Variants in ROBO2 observed in about 807,000 individuals in gnomAD.
The protein encoded by ROBO2 is roundabout homolog 2.
A neutral mutation model predicts 160.8 loss-of-function variants in ROBO2; 53 were observed. The observed-to-expected ratio is 0.33, with a 90% confidence interval of 0.26 to 0.41. ROBO2 has a LOEUF of 0.41. Ranked by LOEUF, ROBO2 falls within the 10% of genes least tolerant of loss-of-function variation. The pLI, the probability that ROBO2 is intolerant of heterozygous loss-of-function variation, is 1.00. For missense variants in ROBO2, 1,577 were observed against 1,722.4 expected (o/e 0.92, Z 1.49); for synonymous variants, 664 against 611.7 (o/e 1.09, Z -1.26).
At chr3:77,418,153 A>C (rs560781335) in intron 2 of ROBO2, among the ~76,000 whole-genome samples, 1 of 133,804 alleles carries the variant, frequency 7.5e-6, no homozygotes, top group African/African-American at 2.6e-5. Flanking sequence ...TTTTACCTAC[A>C]GAAAAGTATG....
intron 2 of ROBO2, among the ~76,000 whole-genome samples, chr3:76,536,482 G>T (rs990657153): frequency 1.3e-5 from 2 of 152,108 alleles, no homozygotes; most frequent in East Asian, 3.9e-4. Flanking sequence ...CTGGGTTTTC[G>T]TCTTTACCTT....
At position 77,031,953 on chromosome 3, in the gene ROBO2, C is replaced by G. The variant is rs183203466; in HGVS notation, c.110-66061C>G. On this transcript the variant is annotated intron_variant, in intron 2 of 26. Transcript: ENST00000487694. The stretch of plus-strand genomic sequence containing the variant: ...GCAGATTCTGTGTCTGGTGAGGGCT[C>G]TATTTCTGTTTCATGAGTGGTACCT... 6.6e-5 allele frequency among the ~76,000 whole-genome samples: 10 copies of G among 152,140 alleles called. No homozygotes were observed. In the East Asian group the frequency reaches 1.5e-3, roughly 24 times the overall value.
At chr3:76,472,040 A>G (rs2078681203) in intron 2 of ROBO2, among the ~76,000 whole-genome samples, 1 of 150,866 alleles carries the variant, frequency 6.6e-6, no homozygotes, top group African/African-American at 2.4e-5. Context: ...AACCATTTCA[A>G]CATTTCTCTG....
At chr3:76,614,410 A>G (rs1174089892) in intron 2 of ROBO2, among the ~76,000 whole-genome samples, 1 of 152,076 alleles carries the variant, frequency 6.6e-6, no homozygotes, top group African/African-American at 2.4e-5. Flanking sequence ...GCTTGTTAGT[A>G]CCTCTCATAA....
chr3:77,053,915 T>C (rs1226416671), intron 1 of ROBO2, among the ~76,000 whole-genome samples: 1 of 152,192 alleles, frequency 6.6e-6, no homozygotes, highest in Non-Finnish European at 1.5e-5. Context: ...AGGAGTGTTA[T>C]ATCCCAGTTT....
intron 2 of ROBO2, among the ~76,000 whole-genome samples, chr3:77,473,429 T>C (rs2083577510): frequency 6.8e-6 from 1 of 146,780 alleles, no homozygotes; most frequent in African/African-American, 2.5e-5. Context: ...AGTTCGATTT[T>C]ACAAACTGCT....
intron 2 of ROBO2, among the ~76,000 whole-genome samples, chr3:76,907,275 C>T (rs576482905): frequency 1.2e-3 from 182 of 152,290 alleles, no homozygotes; most frequent in Non-Finnish European, 2.0e-3. Flanking sequence ...TCATCAATGT[C>T]CTTATTTGTT....
rs150963645 is a variant in ROBO2, at chr3:76,479,093, G to A, written c.109+541491G>A. Among the ~76,000 whole-genome samples the A allele has an allele frequency of 2.0e-3, 305 of 152,228 alleles. 1 individual carries two copies. Among genetic ancestry groups the A allele is most frequent in the African/African-American group, 6.6e-3 (275 of 41,550 alleles). Reference sequence around the variant, plus strand: ...GATGGCCTGGTTCTCACCTGCCTTTGTAGACATCAGGCAATCCTTTCACAT... The same window carrying A: ...GATGGCCTGGTTCTCACCTGCCTTTATAGACATCAGGCAATCCTTTCACAT... On this transcript the variant is annotated intron_variant, in intron 2 of 26. Coordinates refer to the ROBO2 transcript ENST00000487694.
At chr3:76,319,949 G>T (rs532095853) in intron 2 of ROBO2, among the ~76,000 whole-genome samples, 1 of 152,024 alleles carries the variant, frequency 6.6e-6, no homozygotes, top group East Asian at 1.9e-4. Flanking sequence ...AGGATTAGAG[G>T]GGGGAAGGCA....
At chr3:77,347,298 C>T (rs187375156) in intron 2 of ROBO2, among the ~76,000 whole-genome samples, 15 of 152,182 alleles carry the variant, frequency 9.9e-5, no homozygotes, top group African/African-American at 3.6e-4. Flanking sequence ...CTAACCAAAA[C>T]AATACGAATT....
chr3:76,495,711 A>G (rs1040314188), intron 2 of ROBO2, among the ~76,000 whole-genome samples: 1 of 152,166 alleles, frequency 6.6e-6, no homozygotes, highest in African/African-American at 2.4e-5. Flanking sequence ...GAAAATGTTC[A>G]CATAATGGGG....
chr3:76,995,845 G>A (rs773967104), intron 2 of ROBO2, among the ~76,000 whole-genome samples: 8 of 152,096 alleles, frequency 5.3e-5, no homozygotes, highest in Middle Eastern at 3.4e-3. Flanking sequence ...TAGATTCTGG[G>A]TATTAGCCCT....
At chr3:76,650,481 C>CTTTTTTTTTTTTTTT (rs67171130) in intron 2 of ROBO2, among the ~76,000 whole-genome samples, 1 of 146,730 alleles carries the variant, frequency 6.8e-6, no homozygotes. Context: ...CCTTCTTTCT[C>CTTTTTTTTTTTTTTT]TTTTTTTTTT....
At chr3:77,116,707 G>C (rs1410318838) in intron 2 of ROBO2, among the ~76,000 whole-genome samples, 1 of 152,206 alleles carries the variant, frequency 6.6e-6, no homozygotes, top group Non-Finnish European at 1.5e-5. Flanking sequence ...GATGGATGCA[G>C]GTATTTTCTT....
At chr3:77,314,464 T>A (rs7637535) in intron 2 of ROBO2, among the ~76,000 whole-genome samples, 8,304 of 152,274 alleles carry the variant, frequency 0.055, 707 homozygotes, top group African/African-American at 0.18. Flanking sequence ...CAAAACAAAC[T>A]CTAGTGAATA....
chr3:77,166,750 T>C (rs528736904), intron 2 of ROBO2, among the ~76,000 whole-genome samples: 127 of 152,110 alleles, frequency 8.3e-4, no homozygotes, highest in Admixed American at 2.3e-3. Flanking sequence ...TTAGTAGAGA[T>C]GGTGTTTCAC....
chr3:77,311,035 G>T (rs952452964), intron 2 of ROBO2, among the ~76,000 whole-genome samples: 1 of 151,872 alleles, frequency 6.6e-6, no homozygotes, highest in African/African-American at 2.4e-5. Flanking sequence ...AATTTTTGTG[G>T]GTAGGTTTAA....
At chr3:76,323,138 T>TACACACAC (rs71874425) in intron 2 of ROBO2, among the ~76,000 whole-genome samples, 15,551 of 143,866 alleles carry the variant, frequency 0.11, 829 homozygotes, top group East Asian at 0.14. Context: ...TTGTTAGTAT[T>TACACACAC]ACACACACAC....
rs1350657603 is a variant in ROBO2 at position 76,071,358 on chromosome 3, A to G, written c.109+133756A>G. Among the ~76,000 whole-genome samples, 6 of 152,328 alleles carry G rather than the reference A, an allele frequency of 3.9e-5. No homozygotes were observed. The East Asian group carries it at 9.6e-4, about 24-fold the overall frequency. ...AATTTGACCTCTTTGCTGCCTTGCC[A>G]TCCTACTTAATTACTACAGAGTTAA... On this transcript the variant is annotated intron_variant, in intron 2 of 26. Coordinates refer to the ROBO2 transcript ENST00000487694.
Sources: allele counts gnomAD v4.1 joint callset (sites outside exome capture counted in the v4.1 genomes callset), GRCh38; gene constraint gnomAD v4.1.1; transcripts MANE v1.5; gene names NCBI Gene and HGNC (gene_info 2026-07-23, HGNC 2026-07-21).